The following CNTN5 variants were observed in gnomAD, a reference collection of about 807,000 sequenced individuals.
CNTN5 encodes the protein contactin-5.
In CNTN5, 77 loss-of-function variants were observed where a neutral mutation model predicts 129.1. That is an observed-to-expected ratio of 0.60 (90% CI 0.50 to 0.72). The LOEUF is 0.72. Among genes scored for constraint, CNTN5 ranks in the 30% least tolerant of loss-of-function variants. The pLI is 0.00. For synonymous variants in CNTN5, 509 were observed against 465.6 expected (o/e 1.09, Z -1.20); for missense variants, 1,478 against 1,328.8 (o/e 1.11, Z -1.75).
At chr11:99,098,030 G>A (rs544167950) in intron 1 of CNTN5, among the ~76,000 whole-genome samples, 3 of 151,966 alleles carry the variant, frequency 2.0e-5, no homozygotes, top group Non-Finnish European at 4.4e-5. Context: ...CTGTATCTAG[G>A]TTCTGTTAGA....
intron 3 of CNTN5, among the ~76,000 whole-genome samples, chr11:99,782,104 A>G (rs1945332466): frequency 6.6e-6 from 1 of 151,378 alleles, no homozygotes; most frequent in Non-Finnish European, 1.5e-5. Context: ...AAATCTCCTT[A>G]AGCTGATAAG....
chr11:100,002,546 A>G (rs984026103), intron 9 of CNTN5, among the ~76,000 whole-genome samples: 7 of 152,170 alleles, frequency 4.6e-5, no homozygotes, highest in Non-Finnish European at 1.0e-4. Flanking sequence ...GATAAAAATC[A>G]TGAGGATAAT....
chr11:99,549,016 T>C (rs1948391713), intron 2 of CNTN5, among the ~76,000 whole-genome samples: 1 of 152,150 alleles, frequency 6.6e-6, no homozygotes, highest in South Asian at 2.1e-4. Context: ...CTTCCATAGC[T>C]TCCAGCTATT....
chr11:100,122,717 T>C (rs1031085304), intron 13 of CNTN5, among the ~76,000 whole-genome samples: 4 of 151,788 alleles, frequency 2.6e-5, no homozygotes, highest in African/African-American at 9.7e-5. Context: ...GAAAGGAAAA[T>C]TGTCAGAGGG....
At chr11:100,037,716 A>C (rs1325965419) in intron 9 of CNTN5, among the ~76,000 whole-genome samples, 2 of 152,104 alleles carry the variant, frequency 1.3e-5, no homozygotes, top group African/African-American at 4.8e-5. Context: ...TGTGTTGAGG[A>C]ATTTATCCAT....
At chr11:99,577,053 A>G (rs1949378669) in intron 3 of CNTN5, among the ~76,000 whole-genome samples, 2 of 152,184 alleles carry the variant, frequency 1.3e-5, no homozygotes, top group Non-Finnish European at 2.9e-5. Context: ...TCTTTTATTA[A>G]TCAAAGTTTC....
intron 3 of CNTN5, among the ~76,000 whole-genome samples, chr11:99,776,914 T>C (rs1254822753): frequency 6.6e-6 from 1 of 151,968 alleles, no homozygotes; most frequent in African/African-American, 2.4e-5. Context: ...CCAGCTCCAA[T>C]GTGAACATGA....
At chr11:100,141,070 T>G (rs752626356) in intron 13 of CNTN5, among the ~76,000 whole-genome samples, 4 of 152,010 alleles carry the variant, frequency 2.6e-5, no homozygotes, top group Non-Finnish European at 5.9e-5. Context: ...GAGGAAAAAT[T>G]GAAAGTTTGC....
At chr11:100,268,578 T>C (rs1055031164) in intron 17 of CNTN5, among the ~76,000 whole-genome samples, 1 of 152,214 alleles carries the variant, frequency 6.6e-6, no homozygotes, top group African/African-American at 2.4e-5. Flanking sequence ...TGAGAATTGA[T>C]CATTAGTTTT....
At position 99,891,963 on chromosome 11, in the gene CNTN5, T is replaced by C. The variant is rs1949071954; in HGVS notation, c.578-24091T>C. 3.3e-5 allele frequency among the ~76,000 whole-genome samples: 5 copies of C among 152,256 alleles called. No homozygotes were observed. The East Asian group carries it at 5.8e-4, about 18-fold the overall frequency. ...CTCCCAACAACAGTGTAAAAGCATT[T>C]CTATCTCTCCACATCCTCTCCAGCA... On this transcript the variant is annotated intron_variant, in intron 6 of 24. Coordinates refer to ENST00000524871, the MANE Select transcript of CNTN5 (RefSeq NM_014361.4).
At chr11:99,315,164 C>T (rs1489337364) in intron 1 of CNTN5, among the ~76,000 whole-genome samples, 1 of 149,050 alleles carries the variant, frequency 6.7e-6, no homozygotes, top group East Asian at 2.0e-4. Context: ...TTTGGTCTGG[C>T]TAGTAGTTCA....
chr11:99,475,156 G>A (rs1945323725), intron 2 of CNTN5, among the ~76,000 whole-genome samples: 1 of 152,010 alleles, frequency 6.6e-6, no homozygotes, highest in South Asian at 2.1e-4. Flanking sequence ...ATTAGACCAT[G>A]TAAGATCCAC....
chr11:99,959,011 A>G (rs369619791), intron 8 of CNTN5, among the ~76,000 whole-genome samples: 6 of 152,214 alleles, frequency 3.9e-5, no homozygotes, highest in African/African-American at 1.4e-4. Context: ...GCCCAGATAT[A>G]TCACTTATCT....
At position 99,516,060 on chromosome 11, in the gene CNTN5, T is replaced by G. The variant is rs974175758; in HGVS notation, c.-70-40085T>G. On this transcript the variant is annotated intron_variant, in intron 2 of 24. Transcript: ENST00000524871. ...CACTAAAACAGTGGTTCACATATGA[T>G]TATGTTATGAATTGATCAATTGCTC... 2.0e-5 allele frequency among the ~76,000 whole-genome samples: 3 copies of G among 152,016 alleles called. No homozygotes were observed. The South Asian group carries it at 6.2e-4, about 31-fold the overall frequency.
chr11:99,827,651 A>T (rs1947007708), intron 4 of CNTN5, among the ~76,000 whole-genome samples: 1 of 152,216 alleles, frequency 6.6e-6, no homozygotes, highest in Non-Finnish European at 1.5e-5. Flanking sequence ...GACAAAGTGT[A>T]TATCTGTAAT....
At chr11:100,326,923 T>C (rs1039556281) in intron 21 of CNTN5, among the ~76,000 whole-genome samples, 2 of 152,168 alleles carry the variant, frequency 1.3e-5, no homozygotes, top group Admixed American at 6.5e-5. Context: ...GAGAATGTGA[T>C]TGAACGTTTG....
chr11:99,771,068 G>A (rs1944928977), intron 3 of CNTN5, among the ~76,000 whole-genome samples: 1 of 152,060 alleles, frequency 6.6e-6, no homozygotes. Flanking sequence ...TTAGTAAATG[G>A]TGTAGAGGAA....
rs967692788 is a variant in CNTN5 at position 99,468,652 on chromosome 11, A to G, written c.-70-87493A>G. On this transcript the variant is annotated intron_variant, in intron 2 of 24. Coordinates refer to ENST00000524871, the MANE Select transcript of CNTN5 (RefSeq NM_014361.4). ...GATTAACATATAAGTGTGAGTTTTC[A>G]CCTTTTTTTTTTTTGGAATTTTCAT... Among the ~76,000 whole-genome samples the G allele has an allele frequency of 2.1e-4, 3 of 14,138 alleles. No homozygotes were observed. The East Asian group carries it at 6.5e-3, about 31-fold the overall frequency. The allele number at this position is 14,138 out of a possible 152,430, so 9.3% of individuals were successfully genotyped here.
chr11:99,053,430 A>C (rs1468268812), intron 1 of CNTN5, among the ~76,000 whole-genome samples: 2 of 151,750 alleles, frequency 1.3e-5, no homozygotes, highest in South Asian at 2.1e-4. Context: ...GGATCTTCTT[A>C]TTCTGTCTTT....
Sources: allele counts gnomAD v4.1 joint callset (sites outside exome capture counted in the v4.1 genomes callset), GRCh38; gene constraint gnomAD v4.1.1; transcripts MANE v1.5; gene names NCBI Gene and HGNC (gene_info 2026-07-23, HGNC 2026-07-21).